MASP1: variants seen among roughly 807,000 people sequenced by gnomAD.
MASP1 encodes the protein MBL associated serine protease 1.
In MASP1, 59 loss-of-function variants were observed where a neutral mutation model predicts 77.1. The observed-to-expected ratio is 0.77, with a 90% CI of 0.62 to 0.95. The LOEUF is 0.95. Among genes scored for constraint, MASP1 ranks in the 40% least tolerant of loss-of-function variants. MASP1 has a pLI of 0.00. For synonymous variants in MASP1, 362 were observed against 354.5 expected, an observed-to-expected ratio of 1.02 and a Z score of -0.24; for missense variants, 885 against 912.9, an observed-to-expected ratio of 0.97 and a Z score of 0.39.
rs772912971 is a variant in MASP1 at position 187,291,609 on chromosome 3, C to T, written c.5+19G>A. On this transcript the variant is annotated intron_variant, in intron 1 of 10. Transcript: ENST00000296280. ...GGTCCCCAAAAGGGAACCGTGCCCT[C>T]TCCTCCCCTGGCACGTACCTCATTT... 1 of 1,614,212 alleles carries T rather than the reference C, an allele frequency of 6.2e-7. No homozygotes were observed. Among genetic ancestry groups the T allele is most frequent in the South Asian group, 1.1e-5 (1 of 91,088 alleles).
intron 12 of MASP1, chr3:187,225,514 G>T (rs200231691): frequency 7.4e-6 from 12 of 1,614,094 alleles, no homozygotes; most frequent in Non-Finnish European, 3.4e-6. Context: ...GCTTGCCTGG[G>T]CAAGAAGAAG....
At chr3:187,240,876 T>C (rs1713579705) in intron 10 of MASP1, among the ~76,000 whole-genome samples, 1 of 152,168 alleles carries the variant, frequency 6.6e-6, no homozygotes, top group South Asian at 2.1e-4. Flanking sequence ...CTTCAGATGA[T>C]CCACCCGCCT....
intron 1 of MASP1, among the ~76,000 whole-genome samples, chr3:187,286,351 T>TATAAACTGAAAATTATAAA (rs1363833897): frequency 2.0e-5 from 3 of 152,272 alleles, no homozygotes; most frequent in Non-Finnish European, 2.9e-5. Context: ...GTTGAAAATG[T>TATAAACTGAAAATTATAAA]AATTTTCATA....
intron 11 of MASP1, among the ~76,000 whole-genome samples, chr3:187,227,601 AG>A (rs1488337073): frequency 6.6e-6 from 1 of 152,188 alleles, no homozygotes; most frequent in Non-Finnish European, 1.5e-5. Context: ...AGCAGGTTCC[AG>A]GCTCCACTTG....
rs374977699 is a variant in MASP1, at chr3:187,225,463, G to A, written c.1602C>T (p.Gly534=). Residue 534 remains glycine (G), a synonymous_variant, in exon 13 of 16, where the codon GGC becomes GGT. Transcript: ENST00000337774. The stretch of plus-strand genomic sequence containing the variant: ...GGGGGTGGAGAGTGGTGTGTTTGAC[G>A]CCGAGATGCTGTTCATTTTCATCTG... The A allele has an allele frequency of 7.4e-5, 119 of 1,614,010 alleles. No homozygotes were observed. In the East Asian group the frequency reaches 1.6e-3, roughly 22 times the overall value.
intron 9 of MASP1, 39 bp downstream of exon 9, chr3:187,243,445 G>C (rs1325811533): frequency 6.2e-7 from 1 of 1,613,026 alleles, no homozygotes; most frequent in Non-Finnish European, 8.5e-7. Flanking sequence ...CCCCGAGAGT[G>C]TGAAACGGGA....
intron 14 of MASP1, chr3:187,221,190 C>G: frequency 7.7e-7 from 1 of 1,297,036 alleles, no homozygotes; most frequent in East Asian, 2.4e-5. Context: ...CTCTGCTATT[C>G]TGACACCCCT....
At chr3:187,247,411 G>C (rs1203740930) in intron 8 of MASP1, 3 of 1,613,930 alleles carry the variant, frequency 1.9e-6, no homozygotes, top group Non-Finnish European at 2.5e-6. Context: ...AGATCAAAGA[G>C]GGATCAAGAG....
intron 4 of MASP1, among the ~76,000 whole-genome samples, chr3:187,257,457 G>GCCTCCA (rs934648430): frequency 2.0e-5 from 3 of 151,842 alleles, no homozygotes; most frequent in Non-Finnish European, 2.9e-5. Flanking sequence ...TGCAACCTTC[G>GCCTCCA]CCTCCACCTC....
At chr3:187,223,991 C>T (rs1712226431) in intron 13 of MASP1, among the ~76,000 whole-genome samples, 1 of 152,180 alleles carries the variant, frequency 6.6e-6, no homozygotes, top group African/African-American at 2.4e-5. Flanking sequence ...GAACATAAAG[C>T]ACCTGGTGGG....
In MASP1 at chr3:187,265,148, C is replaced by A. The variant is rs1226290977; in HGVS notation, c.238-2428G>T. Among the ~76,000 whole-genome samples the A allele has an allele frequency of 3.9e-5, 6 of 152,006 alleles. 1 individual carries two copies. On this transcript the variant is annotated intron_variant, in intron 2 of 10. Coordinates refer to ENST00000296280, the MANE Select transcript of MASP1 (RefSeq NM_139125.4). ...TATAAACCAACCAGAAGATGGTAAG[C>A]AGGAGTTTTAACATATGCAGGATTA... is the stretch of plus-strand genomic sequence containing the variant.
At chr3:187,220,718 G>A (rs1712008016) in intron 15 of MASP1, among the ~76,000 whole-genome samples, 1 of 151,882 alleles carries the variant, frequency 6.6e-6, no homozygotes, top group African/African-American at 2.4e-5. Flanking sequence ...GACTGGTCTC[G>A]AACTCCCGAC....
rs1239060682 is a variant in MASP1 at position 187,236,539 on chromosome 3, TGGCAGGGAGC to T, written c.1322_1331del (p.Arg441GlnfsTer23). ...CCCCAATGATCCTCTTGACCAGGCT[TGGCAGGGAGC>T]GGGAGGGCTGACCACACTCTGTAAG... On this transcript the variant is annotated frameshift_variant, in exon 11 of 11. Coordinates refer to ENST00000296280, the MANE Select transcript of MASP1 (RefSeq NM_139125.4). LOFTEE classifies it high-confidence loss of function. 6.2e-7 allele frequency: 1 copy of T among 1,613,998 alleles called. No homozygotes were observed. The highest frequency in any genetic ancestry group is 8.5e-7 in the Non-Finnish European group (1 of 1,179,964).
intron 5 of MASP1, among the ~76,000 whole-genome samples, chr3:187,255,232 T>C (rs1456308581): frequency 6.6e-6 from 1 of 152,116 alleles, no homozygotes; most frequent in Non-Finnish European, 1.5e-5. Context: ...TAATAGGAAT[T>C]TGATGGAAGG....
intron 8 of MASP1, chr3:187,247,170 A>G: frequency 6.6e-7 from 1 of 1,511,312 alleles, no homozygotes; most frequent in Non-Finnish European, 8.9e-7. Context: ...TCACACACGT[A>G]GCAGCTTCAA....
At chr3:187,273,553 C>T (rs1716705798) in intron 2 of MASP1, among the ~76,000 whole-genome samples, 1 of 152,192 alleles carries the variant, frequency 6.6e-6, no homozygotes, top group South Asian at 2.1e-4. Context: ...CGGGCTGACT[C>T]CTGCTCATTG....
chr3:187,249,001 T>A (rs1714337449), intron 8 of MASP1, among the ~76,000 whole-genome samples: 3 of 152,212 alleles, frequency 2.0e-5, no homozygotes, highest in Non-Finnish European at 2.9e-5. Flanking sequence ...CCAGTTTGCA[T>A]GAAAATTCAT....
intron 2 of MASP1, among the ~76,000 whole-genome samples, chr3:187,274,525 C>T (rs532545149): frequency 5.1e-4 from 78 of 152,300 alleles, no homozygotes; most frequent in African/African-American, 1.8e-3. Flanking sequence ...ATGAAAAGAC[C>T]TCAAGTCTAT....
intron 9 of MASP1, 113 bp downstream of exon 9, chr3:187,243,371 C>G: frequency 9.3e-7 from 1 of 1,080,344 alleles, no homozygotes; most frequent in Non-Finnish European, 1.4e-6. Flanking sequence ...CATTATCAGG[C>G]TCTACACACT....
Sources: gnomAD v4.1 joint callset for allele counts (sites outside exome capture counted in the v4.1 genomes callset) on GRCh38, gnomAD v4.1.1 for gene constraint, MANE v1.5 for transcripts, NCBI Gene and HGNC (gene_info 2026-07-23, HGNC 2026-07-21) for gene names.